The following ANKRD46 variants were observed in gnomAD, a reference collection of about 807,000 sequenced individuals.
The protein encoded by ANKRD46 is ankyrin repeat domain 46, also known as ankyrin repeat domain-containing protein 46.
ANKRD46 carries 13 observed loss-of-function variants against 19.8 expected under a neutral mutation model. The ratio of observed to expected loss-of-function variants is 0.66; its 90% CI spans 0.43 to 1.04. The LOEUF (loss-of-function observed/expected upper bound fraction) is 1.04, where lower values mean the gene tolerates loss of function less well. Ranked by LOEUF, ANKRD46 falls within the 50% of genes least tolerant of loss-of-function variation. The pLI is 0.00. For synonymous variants in ANKRD46, 91 were observed against 106.9 expected (o/e 0.85, Z 0.92); for missense variants, 185 against 274.8 (o/e 0.67, Z 2.31).
rs1465212433 is a variant in ANKRD46 at position 100,536,707 on chromosome 8, C to T, written c.-130-3396G>A. On this transcript the variant is annotated intron_variant, in intron 1 of 4. Coordinates refer to ENST00000335659, the MANE Select transcript of ANKRD46 (RefSeq NM_001270377.2). This position sits in a 1 kb window ranked among gnomAD's most constrained non-coding sequence, Gnocchi z 4.9. ...AGAACAGTCAATATGGGAATAACCA[C>T]GCCCCAGAAAGCATGCTGGTTGCTG... is the stretch of plus-strand genomic sequence containing the variant. Among the ~76,000 whole-genome samples the T allele has an allele frequency of 6.6e-6, 1 of 152,210 alleles. No homozygotes were observed. The highest frequency in any genetic ancestry group is 2.4e-5 in the African/African-American group (1 of 41,450).
At chr8:100,515,661 AG>A (rs368942546) in intron 5 of ANKRD46, among the ~76,000 whole-genome samples, 905 of 59,982 alleles carry the variant, frequency 0.015, 7 homozygotes, top group East Asian at 0.046. Context: ...GGTGCGGGGG[AG>A]GGGGGGGGCG....
chr8:100,538,041 G>T (rs1812098459), intron 1 of ANKRD46, among the ~76,000 whole-genome samples: 1 of 152,160 alleles, frequency 6.6e-6, no homozygotes, highest in Non-Finnish European at 1.5e-5. Flanking sequence ...GCCAAGAAAT[G>T]GGTCTGATTT....
chr8:100,528,534 T>TA (rs1811890485), intron 3 of ANKRD46, among the ~76,000 whole-genome samples: 1 of 150,660 alleles, frequency 6.6e-6, no homozygotes, highest in African/African-American at 2.4e-5. Flanking sequence ...TTTTTTTTTT[T>TA]ACTTCCAGGG....
chr8:100,533,479 T>A (rs1812004396), intron 1 of ANKRD46, among the ~76,000 whole-genome samples, 168 bp from the exon 2 acceptor site: 1 of 151,996 alleles, frequency 6.6e-6, no homozygotes, highest in Non-Finnish European at 1.5e-5. Context: ...AACAAAGTAG[T>A]GAAAAGGAAG....
Position 100,529,583 on chromosome 8 carries a change from A to T in ANKRD46, c.251T>A (p.Leu84His), listed in dbSNP as rs1811914936. 3 of 1,614,160 alleles carry T rather than the reference A, an allele frequency of 1.9e-6. No homozygotes were observed. Among genetic ancestry groups the T allele is most frequent in the East Asian group, 4.5e-5 (2 of 44,906 alleles). The change falls in exon 3 of 5, where the codon CTC becomes CAC. Residue 84 changes from leucine to histidine, a missense_variant. Leu to His is a moderately conservative substitution (Grantham distance 99, BLOSUM62 -3). Coordinates refer to ENST00000335659, the MANE Select transcript of ANKRD46 (RefSeq NM_001270377.2). This position sits in a 1 kb window ranked among gnomAD's most constrained non-coding sequence, Gnocchi z 5.8. ...TTGGATAGTATCCACATGGCCACAGAGGTGAAGAGCTGTGTTTCCTTGATA... is the reference window on the plus strand; with the variant it reads ...TTGGATAGTATCCACATGGCCACAGTGGTGAAGAGCTGTGTTTCCTTGATA... ...TDYQGNTALH[L>H]CGHVDTIQFL... is the part of the protein sequence containing the mutation.
rs1026430792 is a variant in ANKRD46 at position 100,537,104 on chromosome 8, A to G, written c.-130-3793T>C. Among the ~76,000 whole-genome samples the G allele has an allele frequency of 1.3e-5, 2 of 152,192 alleles. No individual in the cohort carries two copies. The highest frequency in any genetic ancestry group is 3.8e-4 in the East Asian group (2 of 5,198). On this transcript the variant is annotated intron_variant, in intron 1 of 4. Coordinates refer to ENST00000335659, the MANE Select transcript of ANKRD46 (RefSeq NM_001270377.2). This position sits in a 1 kb window ranked among gnomAD's most constrained non-coding sequence, Gnocchi z 4.2. ...TTATATCTCAAATTTTGGATCCACA[A>G]TCTTAGGTCAATCTGTAAAACTTTA...
At chr8:100,556,279 C>A (rs1812497409) in intron 1 of ANKRD46, among the ~76,000 whole-genome samples, 1 of 152,164 alleles carries the variant, frequency 6.6e-6, no homozygotes, top group Non-Finnish European at 1.5e-5. Context: ...TCTCGGCCTC[C>A]CAAAGTGTTG....
At chr8:100,523,575 T>C (rs977830038) in intron 4 of ANKRD46, among the ~76,000 whole-genome samples, 17 of 152,326 alleles carry the variant, frequency 1.1e-4, no homozygotes, top group African/African-American at 2.9e-4. Flanking sequence ...CCTTCTTTAA[T>C]TGTAATTCTC....
intron 2 of ANKRD46, among the ~76,000 whole-genome samples, chr8:100,530,207 T>C (rs1394949043): frequency 6.6e-6 from 1 of 152,214 alleles, no homozygotes; most frequent in Non-Finnish European, 1.5e-5. Context: ...TGTTTAAACA[T>C]CAAAGAACTA....
rs946614670 is a variant in ANKRD46, at chr8:100,525,002, A to C, written c.471-2231T>G. Among the ~76,000 whole-genome samples the C allele has an allele frequency of 3.1e-5, 4 of 128,186 alleles. No individual in the cohort carries two copies. Among genetic ancestry groups the C allele is most frequent in the African/African-American group, 1.1e-4 (4 of 35,492 alleles). 84.1% of individuals were successfully genotyped at this position (128,186 alleles called of 152,430 possible). A position where few individuals can be genotyped will look rare whatever the true frequency, so the allele number is the denominator to read the frequency against. On this transcript the variant is annotated intron_variant, in intron 4 of 4. Coordinates refer to ENST00000335659, the MANE Select transcript of ANKRD46 (RefSeq NM_001270377.2). This position sits in a 1 kb window ranked among gnomAD's most constrained non-coding sequence, Gnocchi z 4.4. ...CTGTTTTTGTTATCCCATACCTACA[A>C]AGTAAAAAGGAATTAAACTTAGAGT...
At chr8:100,515,736 T>C (rs1192651085) in intron 5 of ANKRD46, among the ~76,000 whole-genome samples, 2 of 152,040 alleles carry the variant, frequency 1.3e-5, no homozygotes, top group Admixed American at 6.5e-5. Flanking sequence ...TGTATCTGGA[T>C]TCAAATAATG....
chr8:100,552,201 G>T (rs1421861344), intron 1 of ANKRD46, among the ~76,000 whole-genome samples: 2 of 150,418 alleles, frequency 1.3e-5, no homozygotes, highest in East Asian at 3.9e-4. Flanking sequence ...TAAGTATTCA[G>T]TGATTTTCCG....
At chr8:100,520,758 A>G (rs1044810312), downstream of ANKRD46, 35 of 962,234 alleles carry the variant, frequency 3.6e-5, no homozygotes, top group African/African-American at 3.2e-4. Flanking sequence ...AAAAAAAAAA[A>G]AGAGAAATCG....
Position 100,510,663 on chromosome 8 carries a change from T to TAAAAA in ANKRD46, c.637-29_637-25dup. The stretch of plus-strand genomic sequence containing the variant: ...CTCTGTAAATGTGGGGAAGACAGAT[T>TAAAAA]AAAAAAAAAAAAAAATCCCAGTTCT... On this transcript the variant is annotated intron_variant, in intron 5 of 5. Transcript: ENST00000520552. This position sits in a 1 kb window ranked among gnomAD's most constrained non-coding sequence, Gnocchi z 4.9. 2 of 1,285,334 alleles carry TAAAAA rather than the reference T, an allele frequency of 1.6e-6. No individual in the cohort carries two copies. The highest frequency in any genetic ancestry group is 2.9e-5 in the South Asian group (2 of 69,066). 79.6% of individuals were successfully genotyped at this position (1,285,334 alleles called of 1,614,324 possible). A position where few individuals can be genotyped will look rare whatever the true frequency, so the allele number is the denominator to read the frequency against.
At chr8:100,522,847 A>G in intron 4 of ANKRD46, 76 bp from the exon 5 acceptor site, 1 of 1,211,506 alleles carries the variant, frequency 8.3e-7, no homozygotes, top group Admixed American at 2.1e-5. Context: ...CAGGGCTACT[A>G]TTTAGAAAAG....
chr8:100,531,201 G>A (rs1811956363), intron 2 of ANKRD46, among the ~76,000 whole-genome samples: 1 of 152,240 alleles, frequency 6.6e-6, no homozygotes, highest in African/African-American at 2.4e-5. Context: ...CAGAAAGGCA[G>A]AGACCAATGC....
intron 1 of ANKRD46, among the ~76,000 whole-genome samples, chr8:100,541,756 C>A (rs1280583084): frequency 6.6e-6 from 1 of 152,206 alleles, no homozygotes; most frequent in African/African-American, 2.4e-5. Flanking sequence ...CAGTCATACA[C>A]TGCATAATGA....
chr8:100,527,907 C>A lies in ANKRD46; in HGVS notation c.408G>T (p.Val136=), dbSNP rs1811873970. Residue 136 remains valine, a synonymous_variant, in exon 4 of 5, where the codon GTG becomes GTT. Coordinates refer to ENST00000335659, the MANE Select transcript of ANKRD46 (RefSeq NM_001270377.2). The surrounding 1 kb of genome is among the most constrained non-coding windows in gnomAD (Gnocchi z 4.0). ...RLLESLEEQE[V]KGFNRGTHSK... The stretch of plus-strand genomic sequence containing the variant: ...AGTGGGTTCCTCTGTTAAATCCTTT[C>A]ACCTCCTGTTCTTCCAAAGATTCCA... 1 of 1,613,206 alleles carries A rather than the reference C, an allele frequency of 6.2e-7. No homozygotes were observed. Among genetic ancestry groups the A allele is most frequent in the Non-Finnish European group, 8.5e-7 (1 of 1,179,910 alleles).
rs1382452116 is a variant in ANKRD46 at position 100,525,598 on chromosome 8, G to C, written c.470+2247C>G. 6.6e-6 allele frequency among the ~76,000 whole-genome samples: 1 copy of C among 152,096 alleles called. No individual in the cohort carries two copies. The highest frequency in any genetic ancestry group is 6.5e-5 in the Admixed American group (1 of 15,282). On this transcript the variant is annotated intron_variant, in intron 4 of 4. Transcript: ENST00000335659. The surrounding 1 kb of genome is among the most constrained non-coding windows in gnomAD (Gnocchi z 4.4). ...GTATCAGTATAATATAATAATATTA[G>C]TAATATTCCATTGGATGAACAGATG...
Sources: gnomAD v4.1 joint callset for allele counts (sites outside exome capture counted in the v4.1 genomes callset) on GRCh38, gnomAD v4.1.1 for gene constraint, Gnocchi (gnomAD v3.1) non-coding constraint, MANE v1.5 for transcripts, NCBI Gene and HGNC (gene_info 2026-07-23, HGNC 2026-07-21) for gene names.